The following MYT1L variants were observed in gnomAD, a reference collection of about 807,000 sequenced individuals.
MYT1L encodes the protein myelin transcription factor 1-like protein.
MYT1L carries 12 observed loss-of-function variants against 126.7 expected under a neutral mutation model. The ratio of observed to expected loss-of-function variants is 0.09; its 90% CI spans 0.06 to 0.15. MYT1L has a LOEUF of 0.15. Ranked by LOEUF, MYT1L falls within the 10% of genes least tolerant of loss-of-function variation. The pLI is 1.00. For synonymous variants in MYT1L, 541 were observed against 604.2 expected (o/e 0.90, Z 1.53); for missense variants, 979 against 1,585.2 (o/e 0.62, Z 6.49).
intron 2 of MYT1L, among the ~76,000 whole-genome samples, chr2:2,265,029 AT>A (rs1217505229): frequency 0.011 from 1,578 of 144,190 alleles, 8 homozygotes; most frequent in African/African-American, 0.02. Context: ...GTCTTTTTTA[AT>A]TTTTTTTTTT....
intron 3 of MYT1L, among the ~76,000 whole-genome samples, chr2:2,147,209 T>C (rs1370690592): frequency 6.6e-6 from 1 of 152,224 alleles, no homozygotes; most frequent in East Asian, 1.9e-4. Flanking sequence ...CATCTAATGA[T>C]AATGAACAGC....
At chr2:2,256,877 T>G (rs2094826173) in intron 2 of MYT1L, among the ~76,000 whole-genome samples, 1 of 152,202 alleles carries the variant, frequency 6.6e-6, no homozygotes, top group Admixed American at 6.5e-5. Flanking sequence ...TGTTCACATG[T>G]ATGAGAGTGT....
chr2:1,835,001 A>G (rs1029727291), intron 21 of MYT1L, among the ~76,000 whole-genome samples: 6 of 126,522 alleles, frequency 4.7e-5, no homozygotes, highest in African/African-American at 1.5e-4. Flanking sequence ...GGATACAGGT[A>G]CTCCTCCACA....
At chr2:2,234,442 T>C (rs549949557) in intron 2 of MYT1L, among the ~76,000 whole-genome samples, 13 of 152,332 alleles carry the variant, frequency 8.5e-5, no homozygotes, top group Non-Finnish European at 1.9e-4. Context: ...AAATCAAGGA[T>C]AGATCTTGCA....
At chr2:2,054,410 T>C (rs764796377) in intron 3 of MYT1L, among the ~76,000 whole-genome samples, 6 of 146,628 alleles carry the variant, frequency 4.1e-5, no homozygotes, top group Admixed American at 6.8e-5. Flanking sequence ...ATAAGACACA[T>C]GGGGATGATG....
chr2:2,230,808 T>C (rs2149059063), intron 2 of MYT1L, among the ~76,000 whole-genome samples: 1 of 152,346 alleles, frequency 6.6e-6, no homozygotes, highest in Non-Finnish European at 1.5e-5. Flanking sequence ...TATTTGCATA[T>C]TTTTATAAGC....
chr2:2,054,890 G>A (rs999085147), intron 3 of MYT1L, among the ~76,000 whole-genome samples: 4 of 151,508 alleles, frequency 2.6e-5, no homozygotes, highest in South Asian at 2.1e-4. Flanking sequence ...TGAGACACAT[G>A]GAGATGGTGA....
intron 1 of MYT1L, among the ~76,000 whole-genome samples, chr2:2,293,104 A>G (rs1573251879): frequency 1.3e-5 from 2 of 152,314 alleles, no homozygotes; most frequent in East Asian, 3.9e-4. Context: ...AGGCATCTGG[A>G]GCCAGAGGGT....
rs1267073323 is a variant in MYT1L at position 2,059,696 on chromosome 2, C to T, written c.-303-5573G>A. 2.0e-5 allele frequency among the ~76,000 whole-genome samples: 3 copies of T among 152,140 alleles called. No homozygotes were observed. In the East Asian group the frequency reaches 5.8e-4, roughly 29 times the overall value. On this transcript the variant is annotated intron_variant, in intron 3 of 24. Coordinates refer to ENST00000647738, the MANE Select transcript of MYT1L (RefSeq NM_001303052.2). This position sits in a 1 kb window ranked among gnomAD's most constrained non-coding sequence, Gnocchi z 4.7. ...TTATGTCTGCGTCGTAGGCTCTTCACCTTTCAGAATCATCGCAGTTAAAAA... is the reference window on the plus strand; with the variant it reads ...TTATGTCTGCGTCGTAGGCTCTTCATCTTTCAGAATCATCGCAGTTAAAAA...
At chr2:2,257,112 T>G (rs1379568566) in intron 2 of MYT1L, among the ~76,000 whole-genome samples, 3 of 152,138 alleles carry the variant, frequency 2.0e-5, no homozygotes, top group Non-Finnish European at 4.4e-5. Context: ...CAGAACGTCC[T>G]TGTCTAAGAA....
At chr2:2,295,569 G>C (rs62118683) in intron 1 of MYT1L, among the ~76,000 whole-genome samples, 23 of 139,004 alleles carry the variant, frequency 1.7e-4, no homozygotes, top group African/African-American at 3.3e-4. Context: ...GACAGACAGA[G>C]AGAGAGAGAG....
intron 2 of MYT1L, among the ~76,000 whole-genome samples, chr2:2,184,189 T>A (rs1281990821): frequency 6.6e-6 from 1 of 152,180 alleles, no homozygotes. Flanking sequence ...ACAGCTGATA[T>A]CTACCTAGAA....
chr2:1,954,218 A>G (rs531239450), intron 8 of MYT1L, among the ~76,000 whole-genome samples: 1 of 152,302 alleles, frequency 6.6e-6, no homozygotes, highest in South Asian at 2.1e-4. Flanking sequence ...AGGCCAACAC[A>G]AACGCTGAAG....
intron 3 of MYT1L, among the ~76,000 whole-genome samples, chr2:2,132,159 G>A (rs2082453851): frequency 6.6e-6 from 1 of 151,724 alleles, no homozygotes; most frequent in Admixed American, 6.6e-5. Flanking sequence ...TGCCCACCTT[G>A]ACCTCCCAAA....
intron 1 of MYT1L, among the ~76,000 whole-genome samples, chr2:2,312,727 T>C (rs1429526181): frequency 6.6e-6 from 1 of 152,156 alleles, no homozygotes; most frequent in Non-Finnish European, 1.5e-5. Context: ...CCCATGGAGA[T>C]AGAGACAAAG....
intron 8 of MYT1L, among the ~76,000 whole-genome samples, chr2:1,944,033 C>T (rs1175156061): frequency 6.6e-6 from 1 of 152,158 alleles, no homozygotes; most frequent in Non-Finnish European, 1.5e-5. Flanking sequence ...CTGAAATTGG[C>T]CCAGGCTTGG....
At chr2:1,957,044 T>C (rs1456295462) in intron 8 of MYT1L, among the ~76,000 whole-genome samples, 8 of 152,182 alleles carry the variant, frequency 5.3e-5, no homozygotes, top group Non-Finnish European at 8.8e-5. Flanking sequence ...GCTGGGACAC[T>C]GGTTGTGCCC....
chr2:2,197,441 C>A (rs547142095), intron 2 of MYT1L, among the ~76,000 whole-genome samples: 179 of 152,200 alleles, frequency 1.2e-3, no homozygotes, highest in African/African-American at 4.0e-3. Flanking sequence ...CAGATGAGCG[C>A]ATAAAAACAT....
intron 8 of MYT1L, among the ~76,000 whole-genome samples, chr2:1,952,698 CTT>C (rs2057875027): frequency 8.9e-6 from 1 of 112,696 alleles, no homozygotes; most frequent in African/African-American, 3.3e-5. Flanking sequence ...TCCTTCCTTC[CTT>C]TCTTCCTTCC....
Sources: allele counts gnomAD v4.1 joint callset (sites outside exome capture counted in the v4.1 genomes callset), GRCh38; gene constraint gnomAD v4.1.1; non-coding constraint Gnocchi (gnomAD v3.1); transcripts MANE v1.5; gene names NCBI Gene and HGNC (gene_info 2026-07-23, HGNC 2026-07-21).